The following DAAM2 variants were observed in gnomAD, a reference collection of about 807,000 sequenced individuals.
DAAM2 encodes dishevelled associated activator of morphogenesis 2, also known as disheveled-associated activator of morphogenesis 2.
DAAM2 carries 39 observed loss-of-function variants against 120.7 expected under a neutral mutation model. That is an observed-to-expected ratio of 0.32 (90% CI 0.25 to 0.42). The LOEUF is 0.42. Among genes scored for constraint, DAAM2 ranks in the 10% least tolerant of loss-of-function variants. The pLI, the probability that DAAM2 is intolerant of heterozygous loss-of-function variation, is 1.00. For synonymous variants in DAAM2, 488 were observed against 524.9 expected (o/e 0.93, Z 0.96); for missense variants, 1,283 against 1,401.7 (o/e 0.92, Z 1.35).
chr6:39,815,468 C>A (rs2039113), intron 1 of DAAM2, among the ~76,000 whole-genome samples: 82,472 of 151,914 alleles, frequency 0.54, 22,572 homozygotes, highest in East Asian at 0.63. Flanking sequence ...ATGAAATAAC[C>A]ATGGTATTCC....
In DAAM2 at chr6:39,871,683, C is replaced by T. The variant is rs1764670391; in HGVS notation, c.1044+111C>T. 15 of 932,762 alleles carry T rather than the reference C, an allele frequency of 1.6e-5. No homozygotes were observed. In the South Asian group the frequency reaches 2.4e-4, roughly 15 times the overall value. 57.8% of individuals were successfully genotyped at this position (932,762 alleles called of 1,614,324 possible). On this transcript the variant is annotated intron_variant, in intron 9 of 24. Coordinates refer to ENST00000274867, the MANE Select transcript of DAAM2 (RefSeq NM_001201427.2). The stretch of plus-strand genomic sequence containing the variant: ...TGGCAGGGCTGGTGTGGGCTGGTTC[C>T]CTGGTGGGCACCCCCATGGCCAGGT...
At chr6:39,865,400 A>C (rs1285015094) in intron 5 of DAAM2, among the ~76,000 whole-genome samples, 2 of 152,250 alleles carry the variant, frequency 1.3e-5, no homozygotes. Context: ...GACAAGGTAC[A>C]AAAGAAAGAG....
intron 21 of DAAM2, chr6:39,897,545 G>C: frequency 3.3e-6 from 1 of 299,698 alleles, no homozygotes; most frequent in Non-Finnish European, 6.2e-6. Flanking sequence ...TGGGCTGCTT[G>C]TAAGGATGAG....
At chr6:39,838,799 C>T (rs187956816) in intron 1 of DAAM2, among the ~76,000 whole-genome samples, 8 of 152,254 alleles carry the variant, frequency 5.3e-5, no homozygotes, top group Admixed American at 5.2e-4. Context: ...GCTGAGATTA[C>T]AGGCACACAC....
rs766458438 is a variant in DAAM2, at chr6:39,875,433, C to G, written c.1266C>G (p.Pro422=). The G allele has an allele frequency of 1.9e-6, 3 of 1,613,948 alleles. No homozygotes were observed. Among genetic ancestry groups the G allele is most frequent in the East Asian group, 4.5e-5 (2 of 44,882 alleles). Reference sequence around the variant, plus strand: ...GGGGTGTGGACCCTGACCTGGCTCCCTTGGAGAACTTCAATGTCAAGAACA... The same window carrying G: ...GGGGTGTGGACCCTGACCTGGCTCCGTTGGAGAACTTCAATGTCAAGAACA... ...DERGVDPDLA[P]LENFNVKNIV... is the part of the protein sequence containing the mutation. The change falls in exon 11 of 25, where the codon CCC becomes CCG. Residue 422 remains proline, a synonymous_variant. Coordinates refer to ENST00000274867, the MANE Select transcript of DAAM2 (RefSeq NM_001201427.2).
At chr6:39,890,424 C>T (rs1335512919) in intron 17 of DAAM2, among the ~76,000 whole-genome samples, 1 of 152,172 alleles carries the variant, frequency 6.6e-6, no homozygotes, top group East Asian at 1.9e-4. Context: ...GTGGTATATT[C>T]ATACAGTAGA....
chr6:39,886,424 C>T, intron 15 of DAAM2: 1 of 399,420 alleles, frequency 2.5e-6, no homozygotes, highest in South Asian at 1.3e-4. Context: ...TGCCTAGGAG[C>T]TGATAACTAA....
chr6:39,899,979 C>A, intron 22 of DAAM2, 98 bp from the exon 23 acceptor site: 1 of 1,366,350 alleles, frequency 7.3e-7, no homozygotes, highest in Non-Finnish European at 9.9e-7. Context: ...TTCCAAAGGG[C>A]TCAATGTCCT....
At chr6:39,894,413 A>C (rs1765940657) in intron 19 of DAAM2, among the ~76,000 whole-genome samples, 1 of 152,200 alleles carries the variant, frequency 6.6e-6, no homozygotes, top group Admixed American at 6.5e-5. Flanking sequence ...ATAGAAAAGT[A>C]CACAAATCAT....
At chr6:39,838,670 T>G (rs1763201695) in intron 1 of DAAM2, among the ~76,000 whole-genome samples, 2 of 152,178 alleles carry the variant, frequency 1.3e-5, no homozygotes, top group Admixed American at 6.5e-5. Flanking sequence ...CTTTTTCTTT[T>G]TTGAGATGGA....
intron 1 of DAAM2, among the ~76,000 whole-genome samples, chr6:39,825,477 T>G: frequency 1.4e-5 from 2 of 146,082 alleles, no homozygotes; most frequent in Admixed American, 6.8e-5. Flanking sequence ...GAAGGAAACA[T>G]AGTTAAGCAT....
rs746993253 is a variant in DAAM2 at position 39,901,939 on chromosome 6, G to C, written c.3109G>C (p.Asp1037His). ...GGCCCTGCGCTCTGGGGAGGTCTTC[G>C]ACAAGGACTTATGCAAGCTCAAGCG... ...VSALRSGEVFDKDLCKLKRSR... is the reference protein window; with the variant it reads ...VSALRSGEVFHKDLCKLKRSR... Residue 1037 changes from aspartate to histidine, a missense_variant, in exon 25 of 25, where the codon GAC becomes CAC. Coordinates refer to ENST00000274867, the MANE Select transcript of DAAM2 (RefSeq NM_001201427.2). This position sits in a 1 kb window ranked among gnomAD's most constrained non-coding sequence, Gnocchi z 4.5. 1.2e-6 allele frequency: 2 copies of C among 1,611,982 alleles called. No homozygotes were observed. The highest frequency in any genetic ancestry group is 1.3e-5 in the African/African-American group (1 of 75,012).
At chr6:39,854,140 C>T (rs776502568) in intron 1 of DAAM2, among the ~76,000 whole-genome samples, 2 of 152,224 alleles carry the variant, frequency 1.3e-5, no homozygotes, top group Non-Finnish European at 2.9e-5. Flanking sequence ...TTCTCCTACC[C>T]TCAGCCTCTA....
chr6:39,794,656 C>T (rs1046932552), intron 1 of DAAM2, among the ~76,000 whole-genome samples: 30 of 152,172 alleles, frequency 2.0e-4, no homozygotes, highest in African/African-American at 6.3e-4. Context: ...CCCCAGTCTT[C>T]TTTCCCGACT....
chr6:39,813,403 C>T (rs1393789428), intron 1 of DAAM2, among the ~76,000 whole-genome samples: 7 of 151,980 alleles, frequency 4.6e-5, no homozygotes, highest in Admixed American at 2.0e-4. Context: ...GAAATCTGCT[C>T]GAAAGCATTT....
chr6:39,887,174 C>A (rs978958897), intron 15 of DAAM2: 2 of 283,092 alleles, frequency 7.1e-6, no homozygotes, highest in African/African-American at 4.5e-5. Flanking sequence ...ATACCCTGAC[C>A]CACTGGCACA....
At chr6:39,890,021 G>A (rs1467689151) in intron 17 of DAAM2, among the ~76,000 whole-genome samples, 1 of 152,094 alleles carries the variant, frequency 6.6e-6, no homozygotes, top group African/African-American at 2.4e-5. Context: ...CCAGCTACTT[G>A]GGAGGCTGAG....
chr6:39,831,847 TGGGGAG>T (rs1762913870), intron 1 of DAAM2, among the ~76,000 whole-genome samples: 1 of 34,360 alleles, frequency 2.9e-5, no homozygotes, highest in African/African-American at 1.3e-4. Flanking sequence ...GTAGGTGCAC[TGGGGAG>T]GCAGGTGTAC....
intron 1 of DAAM2, among the ~76,000 whole-genome samples, chr6:39,848,220 C>T (rs1763672027): frequency 2.0e-5 from 3 of 152,168 alleles, no homozygotes; most frequent in African/African-American, 7.2e-5. Context: ...AGTCCCAGGG[C>T]CTGGAGCCGC....
Sources: allele counts gnomAD v4.1 joint callset (sites outside exome capture counted in the v4.1 genomes callset), GRCh38; gene constraint gnomAD v4.1.1; non-coding constraint Gnocchi (gnomAD v3.1); transcripts MANE v1.5; gene names NCBI Gene and HGNC (gene_info 2026-07-23, HGNC 2026-07-21).